Variants in PAWR observed in about 807,000 individuals in gnomAD.
PAWR encodes PRKC apoptosis WT1 regulator protein.
A neutral mutation model predicts 32.0 loss-of-function variants in PAWR; 23 were observed. The observed-to-expected ratio is 0.72, with a 90% CI of 0.52 to 1.02. PAWR has a LOEUF of 1.02. Ranked by LOEUF, PAWR falls within the 50% of genes least tolerant of loss-of-function variation. The probability of loss-of-function intolerance (pLI) is 0.00; values close to 1 mark genes in which losing one functional copy is unlikely to be tolerated. For missense variants in PAWR, 457 were observed against 437.7 expected, an observed-to-expected ratio of 1.04 and a Z score of -0.39; for synonymous variants, 226 against 187.1, an observed-to-expected ratio of 1.21 and a Z score of -1.70.
chr12:79,616,208 G>GA (rs35317064), intron 3 of PAWR, among the ~76,000 whole-genome samples: 3 of 152,024 alleles, frequency 2.0e-5, no homozygotes, highest in Non-Finnish European at 2.9e-5. Context: ...ACATGCATGA[G>GA]AAAAAATGCC....
chr12:79,598,698 T>C (rs928446153), intron 4 of PAWR, among the ~76,000 whole-genome samples: 1 of 152,236 alleles, frequency 6.6e-6, no homozygotes, highest in Admixed American at 6.5e-5. Context: ...TTACTGATAG[T>C]TGTTACTATA....
chr12:79,617,094 A>T (rs1874774971), intron 3 of PAWR, among the ~76,000 whole-genome samples: 1 of 152,164 alleles, frequency 6.6e-6, no homozygotes, highest in Non-Finnish European at 1.5e-5. Flanking sequence ...ACGGTGGCTC[A>T]CACCTGTAAT....
chr12:79,679,503 A>G (rs763646585), intron 2 of PAWR, among the ~76,000 whole-genome samples: 90 of 152,358 alleles, frequency 5.9e-4, no homozygotes, highest in Non-Finnish European at 9.7e-4. Context: ...GAAACTGACC[A>G]ATTATGGAGA....
At chr12:79,680,145 A>C (rs1397086714) in intron 2 of PAWR, among the ~76,000 whole-genome samples, 3 of 152,230 alleles carry the variant, frequency 2.0e-5, no homozygotes, top group Admixed American at 2.0e-4. Flanking sequence ...ATGTTAGGGA[A>C]CAAGTTGAGA....
chr12:79,689,625 C>T, intron 2 of PAWR, 104 bp downstream of exon 2: 1 of 1,289,288 alleles, frequency 7.8e-7, no homozygotes, highest in Non-Finnish European at 1.1e-6. Context: ...CAAGTACGAG[C>T]CAGGGGAGGT....
chr12:79,600,139 A>G (rs1022596631), intron 4 of PAWR, among the ~76,000 whole-genome samples: 1 of 152,142 alleles, frequency 6.6e-6, no homozygotes, highest in African/African-American at 2.4e-5. Flanking sequence ...GACACATAAT[A>G]CTTTCCAAGA....
At chr12:79,664,291 G>C (rs1592541645) in intron 2 of PAWR, among the ~76,000 whole-genome samples, 1 of 151,942 alleles carries the variant, frequency 6.6e-6, no homozygotes, top group South Asian at 2.1e-4. Flanking sequence ...ACAATGATCG[G>C]AGTGATCCTC....
At chr12:79,593,700 G>GA (rs1278954828) in intron 6 of PAWR, among the ~76,000 whole-genome samples, 53 of 145,308 alleles carry the variant, frequency 3.6e-4, no homozygotes, top group South Asian at 2.2e-3. Context: ...CCAATTTTAG[G>GA]GTTTTTTTTT....
chr12:79,659,797 T>G (rs954144748), intron 2 of PAWR, among the ~76,000 whole-genome samples: 3 of 152,208 alleles, frequency 2.0e-5, no homozygotes, highest in Non-Finnish European at 4.4e-5. Flanking sequence ...TTTTGTCTGT[T>G]GCCCATCCTG....
intron 2 of PAWR, among the ~76,000 whole-genome samples, chr12:79,656,140 A>AGAG (rs1411432719): frequency 6.6e-6 from 1 of 152,240 alleles, no homozygotes; most frequent in Non-Finnish European, 1.5e-5. Flanking sequence ...CAGAACGGGC[A>AGAG]GAGGGAGCAA....
At chr12:79,616,103 G>A (rs907203102) in intron 3 of PAWR, among the ~76,000 whole-genome samples, 34 of 150,408 alleles carry the variant, frequency 2.3e-4, no homozygotes, top group African/African-American at 8.1e-4. Flanking sequence ...TTTCACAAAC[G>A]GTATTTGCAT....
At chr12:79,625,798 C>A (rs1452063108) in intron 2 of PAWR, among the ~76,000 whole-genome samples, 1 of 151,010 alleles carries the variant, frequency 6.6e-6, no homozygotes, top group East Asian at 2.0e-4. Flanking sequence ...CCAGCCTGGG[C>A]GACAGAGTGA....
intron 2 of PAWR, among the ~76,000 whole-genome samples, chr12:79,625,730 G>A (rs1375631451): frequency 2.0e-5 from 3 of 152,062 alleles, no homozygotes; most frequent in Non-Finnish European, 4.4e-5. Flanking sequence ...TAAGGCAGGA[G>A]AATGTCGCGA....
chr12:79,655,245 G>T (rs546593769), intron 2 of PAWR, among the ~76,000 whole-genome samples: 33 of 152,258 alleles, frequency 2.2e-4, no homozygotes, highest in African/African-American at 7.2e-4. Flanking sequence ...AAAGTCTGAG[G>T]AGTACTGGTC....
intron 4 of PAWR, among the ~76,000 whole-genome samples, chr12:79,600,907 A>ATGTGATGCACTTGGAT (rs1873937334): frequency 6.6e-6 from 1 of 152,182 alleles, no homozygotes; most frequent in Non-Finnish European, 1.5e-5. Context: ...CTGTTCGCAG[A>ATGTGATGCACTTGGAT]GTAATCCACT....
intron 4 of PAWR, among the ~76,000 whole-genome samples, chr12:79,598,604 T>C (rs1169353803): frequency 6.6e-6 from 1 of 152,258 alleles, no homozygotes; most frequent in Non-Finnish European, 1.5e-5. Flanking sequence ...TTTCTTGTGA[T>C]AGAAAATAAA....
At chr12:79,621,028 A>T in intron 3 of PAWR, 48 bp downstream of exon 3, 1 of 1,446,638 alleles carries the variant, frequency 6.9e-7, no homozygotes, top group Non-Finnish European at 9.4e-7. Context: ...TAATTGAAAA[A>T]TTGCCATTAA....
chr12:79,634,891 A>G (rs1456239889), intron 2 of PAWR, among the ~76,000 whole-genome samples: 1 of 151,830 alleles, frequency 6.6e-6, no homozygotes, highest in African/African-American at 2.4e-5. Flanking sequence ...TTTTTTTTTA[A>G]TTTTAAAGAG....
intron 2 of PAWR, among the ~76,000 whole-genome samples, chr12:79,639,886 CA>C (rs1566014425): frequency 3.0e-4 from 24 of 79,752 alleles, no homozygotes; most frequent in Non-Finnish European, 5.1e-4. Context: ...ATTCCTATTC[CA>C]TTCCATTCCA....
Sources: allele counts gnomAD v4.1 joint callset (sites outside exome capture counted in the v4.1 genomes callset), GRCh38; gene constraint gnomAD v4.1.1; transcripts MANE v1.5; gene names NCBI Gene and HGNC (gene_info 2026-07-23, HGNC 2026-07-21).